The following DBF4 variants were observed in gnomAD, a reference collection of about 807,000 sequenced individuals.
DBF4 encodes the protein protein DBF4 homolog A.
Under a neutral mutation model 76.6 loss-of-function variants are expected in DBF4, and 25 were observed. The observed-to-expected ratio is 0.33, with a 90% CI of 0.24 to 0.46. The LOEUF is 0.46. Among genes scored for constraint, DBF4 ranks in the 20% least tolerant of loss-of-function variants. The probability of loss-of-function intolerance (pLI) is 1.00; values close to 1 mark genes in which losing one functional copy is unlikely to be tolerated. For missense variants in DBF4, 638 were observed against 760.8 expected, an observed-to-expected ratio of 0.84 and a Z score of 1.90; for synonymous variants, 213 against 258.0, an observed-to-expected ratio of 0.83 and a Z score of 1.67.
chr7:87,904,408 A>G lies in DBF4; in HGVS notation c.1041A>G (p.Lys347=). The G allele has an allele frequency of 6.2e-7, 1 of 1,611,706 alleles. No homozygotes were observed. Among genetic ancestry groups the G allele is most frequent in the South Asian group, 1.1e-5 (1 of 90,480 alleles). The part of the protein sequence containing the change: ...DFVEYEKDTP[K]KKRIKYSVGS... ...TGGAATATGAAAAGGACACACCTAAAAAGAAAAGGTAATTAGTTTTATCAA... is the reference window on the plus strand; with the variant it reads ...TGGAATATGAAAAGGACACACCTAAGAAGAAAAGGTAATTAGTTTTATCAA... Residue 347 remains lysine, a synonymous_variant, in exon 11 of 12, where the codon AAA becomes AAG. Coordinates refer to ENST00000265728, the MANE Select transcript of DBF4 (RefSeq NM_006716.4).
At chr7:87,905,412 G>A (rs570916893) in intron 11 of DBF4, among the ~76,000 whole-genome samples, 1 of 152,244 alleles carries the variant, frequency 6.6e-6, no homozygotes, top group African/African-American at 2.4e-5. Context: ...GTAATATTAA[G>A]GAGTTTTAAG....
In DBF4 at chr7:87,903,689, C is replaced by CTTT. The variant is rs56740998; in HGVS notation, c.925-582_925-580dup. On this transcript the variant is annotated intron_variant, in intron 10 of 11. Transcript: ENST00000265728. Reference sequence around the variant, plus strand: ...TACTGTTGTCTCTCTCTCTGTATCCCTTTTTTTTTTTTTTTTTTTTTTTGA... The same window carrying CTTT: ...TACTGTTGTCTCTCTCTCTGTATCCCTTTTTTTTTTTTTTTTTTTTTTTTTTGA... 7.4e-3 allele frequency among the ~76,000 whole-genome samples: 729 copies of CTTT among 98,064 alleles called. 4 individuals are homozygous for CTTT. Among genetic ancestry groups the CTTT allele is most frequent in the Non-Finnish European group, 8.8e-3 (450 of 50,948 alleles). The allele number at this position is 98,064 out of a possible 152,430, so 64.3% of individuals were successfully genotyped here.
chr7:87,888,106 T>C (rs953400947), intron 6 of DBF4, 47 bp downstream of exon 6: 23 of 1,515,470 alleles, frequency 1.5e-5, no homozygotes, highest in Non-Finnish European at 1.9e-5. Flanking sequence ...TTGGTTTTTT[T>C]ACTTACGTAT....
At chr7:87,893,981 T>C (rs1027681263) in intron 6 of DBF4, among the ~76,000 whole-genome samples, 2 of 152,222 alleles carry the variant, frequency 1.3e-5, no homozygotes, top group African/African-American at 4.8e-5. Flanking sequence ...ATTTACGATA[T>C]ACATGTGTGA....
chr7:87,876,602 T>G lies in DBF4; in HGVS notation c.-131T>G. 2.0e-6 allele frequency: 2 copies of G among 1,012,224 alleles called. No homozygotes were observed. Among genetic ancestry groups the G allele is most frequent in the Non-Finnish European group, 3.0e-6 (2 of 665,596 alleles). The allele number at this position is 1,012,224 out of a possible 1,614,324, so 62.7% of individuals were successfully genotyped here. On this transcript the variant is annotated 5_prime_UTR_variant, in exon 1 of 12. Coordinates refer to ENST00000265728, the MANE Select transcript of DBF4 (RefSeq NM_006716.4). Reference sequence around the variant, plus strand: ...CGACCTGCAGACGCGGTACCTCTACTGCGTAGAGGCCGTAGCTGGCGGAAG... The same window carrying G: ...CGACCTGCAGACGCGGTACCTCTACGGCGTAGAGGCCGTAGCTGGCGGAAG...
chr7:87,885,107 C>T lies in DBF4; in HGVS notation c.348C>T (p.Thr116=). The T allele has an allele frequency of 6.2e-7, 1 of 1,613,264 alleles. No individual in the cohort carries two copies. Among genetic ancestry groups the T allele is most frequent in the Non-Finnish European group, 8.5e-7 (1 of 1,179,546 alleles). ...CAGAATCTGCATATACTGCAGAAACCACTTCACCTCATCCCAGCCATGATG... is the reference window on the plus strand; with the variant it reads ...CAGAATCTGCATATACTGCAGAAACTACTTCACCTCATCCCAGCCATGATG... ...PSPESAYTAE[T]TSPHPSHDGS... is the part of the protein sequence containing the mutation. Residue 116 remains threonine, a synonymous_variant, in exon 3 of 12, where the codon ACC becomes ACT. Coordinates refer to ENST00000265728, the MANE Select transcript of DBF4 (RefSeq NM_006716.4).
Position 87,908,026 on chromosome 7 carries a change from G to T in DBF4, c.1888G>T (p.Glu630Ter), listed in dbSNP as rs1194581077. 1 of 1,613,766 alleles carries T rather than the reference G, an allele frequency of 6.2e-7. No individual in the cohort carries two copies. The highest frequency in any genetic ancestry group is 1.7e-5 in the Admixed American group (1 of 60,006). The change falls in exon 12 of 12, where the codon GAA (glutamate) becomes TAA (stop). Residue 630 changes from glutamate to a stop codon, truncating the protein, a stop_gained. Coordinates refer to ENST00000265728, the MANE Select transcript of DBF4 (RefSeq NM_006716.4). LOFTEE classifies it high-confidence loss of function. ...DLFQTSEEKSEFLGFTSYTEK... is the reference protein window; with the variant it reads ...DLFQTSEEKS ...GTTTCAGACTAGTGAAGAGAAATCA[G>T]AATTTTTGGGTTTCACAAGCTACAC...
chr7:87,900,476 A>G, intron 9 of DBF4, 127 bp downstream of exon 9: 2 of 1,142,200 alleles, frequency 1.8e-6, no homozygotes, highest in Non-Finnish European at 1.2e-6. Flanking sequence ...TATTCTGATT[A>G]CTTTTATAAG....
intron 6 of DBF4, among the ~76,000 whole-genome samples, chr7:87,894,698 GTTCT>G (rs1049792355): frequency 6.6e-6 from 1 of 152,156 alleles, no homozygotes; most frequent in Non-Finnish European, 1.5e-5. Context: ...TGAATTGAGA[GTTCT>G]TTGTCTCAGC....
At position 87,876,617 on chromosome 7, in the gene DBF4, G is replaced by C. The variant is rs1584346410; in HGVS notation, c.-116G>C. 23 of 1,184,878 alleles carry C rather than the reference G, an allele frequency of 1.9e-5. No homozygotes were observed. The East Asian group carries it at 3.7e-4, about 19-fold the overall frequency. The allele number at this position is 1,184,878 out of a possible 1,614,324, so 73.4% of individuals were successfully genotyped here. On this transcript the variant is annotated 5_prime_UTR_variant, in exon 1 of 12. Transcript: ENST00000265728. ...GTACCTCTACTGCGTAGAGGCCGTA[G>C]CTGGCGGAAGGAGAGAGGCGGCCGT... is the stretch of plus-strand genomic sequence containing the variant.
chr7:87,891,806 C>G (rs893209885), intron 6 of DBF4, among the ~76,000 whole-genome samples: 2 of 151,850 alleles, frequency 1.3e-5, no homozygotes, highest in African/African-American at 4.8e-5. Flanking sequence ...TTTCTTCTGC[C>G]TATTTTGGGT....
intron 2 of DBF4, among the ~76,000 whole-genome samples, chr7:87,884,479 C>A (rs879853874): frequency 2.6e-5 from 4 of 152,182 alleles, no homozygotes; most frequent in Non-Finnish European, 5.9e-5. Flanking sequence ...TGCCTATGTT[C>A]AAATTATATT....
rs901115418 is a variant in DBF4, at chr7:87,878,359, T to C, written c.219+134T>C. ...GCTTAACATTTTTATCAGCTGTTTATCGTTAACAAAAAACCATTTGTTTTA... is the reference window on the plus strand; with the variant it reads ...GCTTAACATTTTTATCAGCTGTTTACCGTTAACAAAAAACCATTTGTTTTA... On this transcript the variant is annotated intron_variant, in intron 2 of 11. Transcript: ENST00000265728. The C allele has an allele frequency of 4.2e-6, 3 of 709,632 alleles. No homozygotes were observed. In the African/African-American group the frequency reaches 5.5e-5, roughly 13 times the overall value. The allele number at this position is 709,632 out of a possible 1,614,324, so 44.0% of individuals were successfully genotyped here.
At chr7:87,896,600 G>A (rs1333148687) in intron 7 of DBF4, 90 bp downstream of exon 7, 2 of 1,180,308 alleles carry the variant, frequency 1.7e-6, no homozygotes, top group African/African-American at 1.5e-5. Context: ...CCCTCTAAAT[G>A]ATTTATTCAA....
At chr7:87,893,278 G>A (rs1043747632) in intron 6 of DBF4, among the ~76,000 whole-genome samples, 4 of 135,294 alleles carry the variant, frequency 3.0e-5, no homozygotes, top group African/African-American at 8.4e-5. Flanking sequence ...TCGCTCTGTC[G>A]CCCAGGCCGG....
At chr7:87,899,557 A>T (rs186867857) in intron 8 of DBF4, among the ~76,000 whole-genome samples, 1 of 152,374 alleles carries the variant, frequency 6.6e-6, no homozygotes, top group African/African-American at 2.4e-5. Context: ...CCACAGTGAG[A>T]TACCACTTTA....
chr7:87,879,589 A>G (rs1323119340), intron 2 of DBF4, among the ~76,000 whole-genome samples: 6 of 152,172 alleles, frequency 3.9e-5, no homozygotes, highest in Non-Finnish European at 8.8e-5. Flanking sequence ...GCCCAATTAG[A>G]GCAGTATTAG....
chr7:87,900,005 T>A (rs1206976025), intron 8 of DBF4, among the ~76,000 whole-genome samples: 1 of 152,102 alleles, frequency 6.6e-6, no homozygotes, highest in Non-Finnish European at 1.5e-5. Flanking sequence ...ACACTTAAAA[T>A]GGTTAAGGTA....
At chr7:87,897,897 C>T (rs917586627) in intron 8 of DBF4, among the ~76,000 whole-genome samples, 2 of 152,170 alleles carry the variant, frequency 1.3e-5, no homozygotes, top group Non-Finnish European at 2.9e-5. Context: ...CCTGCCTCAG[C>T]CTCCCAAGTA....
Sources: allele counts gnomAD v4.1 joint callset (sites outside exome capture counted in the v4.1 genomes callset), GRCh38; gene constraint gnomAD v4.1.1; transcripts MANE v1.5; gene names NCBI Gene and HGNC (gene_info 2026-07-23, HGNC 2026-07-21).